UNC13C: variants seen among roughly 807,000 people sequenced by gnomAD.
UNC13C encodes protein unc-13 homolog C.
A neutral mutation model predicts 245.4 loss-of-function variants in UNC13C; 174 were observed. The observed-to-expected ratio is 0.71, with a 90% confidence interval of 0.63 to 0.80. The LOEUF is 0.80. UNC13C is among the 30% of genes least tolerant of loss of function. The pLI is 0.00. For synonymous variants in UNC13C, 992 were observed against 895.1 expected (o/e 1.11, Z -1.93); for missense variants, 2,829 against 2,602.9 (o/e 1.09, Z -1.89).
At position 54,500,180 on chromosome 15, in the gene UNC13C, GT is replaced by G; in HGVS notation, c.5157+8del. ...GGAAGAGACAAAAAAGATGGAGTGA[GT>G]TTAAATTACCTTAAGAAAGTTCATT... On this transcript the variant is annotated splice_donor_region_variant and intron_variant, in intron 21 of 32. Transcript: ENST00000260323. 6.3e-7 allele frequency: 1 copy of G among 1,599,148 alleles called. No homozygotes were observed. Among genetic ancestry groups the G allele is most frequent in the Non-Finnish European group, 8.5e-7 (1 of 1,170,452 alleles).
chr15:54,212,132 T>A (rs2034899602), intron 4 of UNC13C, among the ~76,000 whole-genome samples: 1 of 152,104 alleles, frequency 6.6e-6, no homozygotes, highest in South Asian at 2.1e-4. Flanking sequence ...ATTATCATAG[T>A]GCTTGAAGTT....
At chr15:53,887,491 T>A in the UNC13C span, among the ~76,000 whole-genome samples, 1 of 152,142 alleles carries the variant, frequency 6.6e-6, no homozygotes, top group East Asian at 1.9e-4. Context: ...ATTTCATGAT[T>A]TTTGCTTTTT....
chr15:54,260,837 T>C (rs72730882), intron 8 of UNC13C, among the ~76,000 whole-genome samples: 2,511 of 144,850 alleles, frequency 0.017, 30 homozygotes, highest in Non-Finnish European at 0.025. Flanking sequence ...ATACTATCTA[T>C]AGATACTTCT....
the UNC13C span, among the ~76,000 whole-genome samples, chr15:53,867,886 A>T: frequency 6.6e-6 from 1 of 152,108 alleles, no homozygotes; most frequent in Non-Finnish European, 1.5e-5. Flanking sequence ...GCTGGAGTGC[A>T]GTGGTGCTCC....
Position 54,185,744 on chromosome 15 carries a change from G to T in UNC13C, c.3071+42060G>T, listed in dbSNP as rs535480549. Reference sequence around the variant, plus strand: ...TGTTCTTTTGGCTTAGGATTGACTGGGCAATGCGGGATCTTTTTGGTTCCA... The same window carrying T: ...TGTTCTTTTGGCTTAGGATTGACTGTGCAATGCGGGATCTTTTTGGTTCCA... On this transcript the variant is annotated intron_variant, in intron 4 of 32. Coordinates refer to ENST00000260323, the MANE Select transcript of UNC13C (RefSeq NM_001080534.3). Among the ~76,000 whole-genome samples the T allele has an allele frequency of 2.7e-5, 4 of 150,440 alleles. No homozygotes were observed. In the East Asian group the frequency reaches 7.8e-4, roughly 29 times the overall value.
At chr15:53,893,639 G>A in the UNC13C span, among the ~76,000 whole-genome samples, 1 of 152,302 alleles carries the variant, frequency 6.6e-6, no homozygotes, top group Non-Finnish European at 1.5e-5. Context: ...TGGCAGCTTT[G>A]TTTACACTCT....
chr15:54,049,396 T>G (rs964949041), intron 2 of UNC13C: 1 of 512,166 alleles, frequency 2.0e-6, no homozygotes, highest in Non-Finnish European at 4.0e-6. Flanking sequence ...AGTTCCTTCT[T>G]TGAGATCAAA....
At chr15:54,079,042 T>C (rs1595820303) in intron 2 of UNC13C, among the ~76,000 whole-genome samples, 1 of 152,276 alleles carries the variant, frequency 6.6e-6, no homozygotes, top group South Asian at 2.1e-4. Context: ...TAGCCAGTTT[T>C]CCCAGCACTA....
the UNC13C span, among the ~76,000 whole-genome samples, chr15:53,966,528 A>C: frequency 6.6e-6 from 1 of 152,278 alleles, no homozygotes; most frequent in East Asian, 1.9e-4. Flanking sequence ...GAATGTGTTG[A>C]ATATCACATT....
At chr15:54,038,833 A>G (rs1324013668) in intron 2 of UNC13C, among the ~76,000 whole-genome samples, 3 of 152,220 alleles carry the variant, frequency 2.0e-5, no homozygotes, top group Non-Finnish European at 4.4e-5. Flanking sequence ...ATTTTAATAC[A>G]TATAGGTTAT....
intron 1 of UNC13C, among the ~76,000 whole-genome samples, chr15:53,994,727 C>T (rs1012762231): frequency 1.3e-5 from 2 of 152,086 alleles, no homozygotes; most frequent in Non-Finnish European, 2.9e-5. Context: ...AAGTGTAAAT[C>T]TGTGTGGTGA....
chr15:54,210,707 C>T (rs2034853682), intron 4 of UNC13C, among the ~76,000 whole-genome samples: 1 of 152,120 alleles, frequency 6.6e-6, no homozygotes, highest in African/African-American at 2.4e-5. Flanking sequence ...GCCACAGTTG[C>T]ATGGATGCTG....
At chr15:53,950,559 G>A in the UNC13C span, among the ~76,000 whole-genome samples, 5 of 152,014 alleles carry the variant, frequency 3.3e-5, no homozygotes, top group Non-Finnish European at 5.9e-5. Context: ...CAATAGCTGG[G>A]AAATCAAAGG....
chr15:54,098,567 T>C (rs1350647924), intron 2 of UNC13C, among the ~76,000 whole-genome samples: 1 of 152,204 alleles, frequency 6.6e-6, no homozygotes, highest in African/African-American at 2.4e-5. Flanking sequence ...CTAAATGTTC[T>C]TTCTAAGAAT....
chr15:54,010,084 T>C (rs747554365), intron 1 of UNC13C, among the ~76,000 whole-genome samples: 1 of 152,202 alleles, frequency 6.6e-6, no homozygotes, highest in Middle Eastern at 3.2e-3. Context: ...ACACTGCTTC[T>C]CCTTCTCTGG....
At chr15:54,408,778 A>G (rs970708180) in intron 18 of UNC13C, among the ~76,000 whole-genome samples, 1 of 152,190 alleles carries the variant, frequency 6.6e-6, no homozygotes, top group African/African-American at 2.4e-5. Context: ...TTCATTTAAT[A>G]ATGTTTGCTT....
chr15:54,073,876 C>A (rs965156444), intron 2 of UNC13C, among the ~76,000 whole-genome samples: 3 of 152,056 alleles, frequency 2.0e-5, no homozygotes, highest in African/African-American at 4.8e-5. Context: ...GAAGCTCTTT[C>A]ATTTAATTAG....
the UNC13C span, chr15:53,911,453 C>G: frequency 1.3e-5 from 2 of 152,230 alleles, no homozygotes; most frequent in African/African-American, 4.8e-5. Context: ...GGACCCCTCA[C>G]AGTGGTGGCA....
intron 2 of UNC13C, among the ~76,000 whole-genome samples, chr15:54,106,421 T>C (rs552056503): frequency 1.4e-4 from 21 of 152,284 alleles, no homozygotes; most frequent in South Asian, 4.1e-4. Context: ...AAAAAACACA[T>C]CAAGCAAAAA....
Sources: gnomAD v4.1 joint callset for allele counts (sites outside exome capture counted in the v4.1 genomes callset) on GRCh38, gnomAD v4.1.1 for gene constraint, MANE v1.5 for transcripts, NCBI Gene and HGNC (gene_info 2026-07-23, HGNC 2026-07-21) for gene names.